Variants in H2AZ2 observed in about 807,000 individuals in gnomAD.
The protein encoded by H2AZ2 is H2A.Z variant histone 2.
Under a neutral mutation model 15.5 loss-of-function variants are expected in H2AZ2, and 5 were observed. The ratio of observed to expected loss-of-function variants is 0.32; its 90% CI spans 0.17 to 0.68. The LOEUF is 0.68. Among genes scored for constraint, H2AZ2 ranks in the 30% least tolerant of loss-of-function variants. The probability of loss-of-function intolerance (pLI) is 0.72; values close to 1 mark genes in which losing one functional copy is unlikely to be tolerated. For missense variants in H2AZ2, 42 were observed against 162.5 expected (o/e 0.26, Z 4.03); for synonymous variants, 44 against 57.4 (o/e 0.77, Z 1.05).
chr7:44,831,311 G>C (rs937669228), downstream of H2AZ2, among the ~76,000 whole-genome samples: 2 of 152,198 alleles, frequency 1.3e-5, no homozygotes, highest in Non-Finnish European at 2.9e-5. Flanking sequence ...GATCATAACT[G>C]TGAGAGCTAA....
At chr7:44,847,688 CCTT>C (rs1425553675) in intron 1 of H2AZ2, among the ~76,000 whole-genome samples, 1 of 152,222 alleles carries the variant, frequency 6.6e-6, no homozygotes, top group African/African-American at 2.4e-5. Context: ...CCGTCCTCCT[CCTT>C]CTAAGACGGG....
At chr7:44,847,821 G>A (rs1431021232) in intron 1 of H2AZ2, 148 bp downstream of exon 1, 9 of 1,096,406 alleles carry the variant, frequency 8.2e-6, no homozygotes, top group Admixed American at 2.8e-5. Flanking sequence ...CTGGGACATG[G>A]CGCCCCCCGG....
Position 44,840,338 on chromosome 7 carries a change from C to T in H2AZ2, c.195+561G>A, listed in dbSNP as rs540201352. The stretch of plus-strand genomic sequence containing the variant: ...ACTCAAGTGTACAATCTACCCACCT[C>T]AGCCGCCCAAAGTGTTGGCATTACA... On this transcript the variant is annotated intron_variant, in intron 3 of 4. Transcript: ENST00000308153. Among the ~76,000 whole-genome samples the T allele has an allele frequency of 7.0e-4, 106 of 152,344 alleles. 1 individual carries two copies. In the South Asian group the frequency reaches 0.021, roughly 30 times the overall value.
Position 44,832,933 on chromosome 7 carries a change from G to C in H2AZ2, c.*1568C>G, listed in dbSNP as rs1020210753. On this transcript the variant is annotated 3_prime_UTR_variant, in exon 5 of 5. Transcript: ENST00000308153. ...CCACTGCACTTCAACCTGGGCAAAA[G>C]AGCAAGAGCCTGTCTCAAAACAAAC... 2.0e-5 allele frequency among the ~76,000 whole-genome samples: 3 copies of C among 152,108 alleles called. No homozygotes were observed. Among genetic ancestry groups the C allele is most frequent in the Non-Finnish European group, 2.9e-5 (2 of 68,000 alleles).
chr7:44,847,341 T>C (rs1793435327), intron 1 of H2AZ2, among the ~76,000 whole-genome samples: 1 of 152,092 alleles, frequency 6.6e-6, no homozygotes, highest in Non-Finnish European at 1.5e-5. Context: ...AGACTGAAAA[T>C]CCATAGCAAG....
chr7:44,843,321 C>T lies in H2AZ2; in HGVS notation c.37G>A (p.Ala13Thr), dbSNP rs913766975. 18 of 1,613,056 alleles carry T rather than the reference C, an allele frequency of 1.1e-5. No individual in the cohort carries two copies. Among genetic ancestry groups the T allele is most frequent in the Middle Eastern group, 1.7e-4 (1 of 6,028 alleles). The change falls in exon 2 of 5, where the codon GCC becomes ACC. Residue 13 changes from alanine (A) to threonine (T), a missense_variant. By Grantham distance (58) the Ala-to-Thr change is moderately conservative. Coordinates refer to ENST00000308153, the MANE Select transcript of H2AZ2 (RefSeq NM_012412.5). ...GAGCGAGATACTGCCTTAGCCTTGG[C>T]CTTCCCACTGTCCTTTCCAGCTTTG... ...GGKAGKDSGK[A>T]KAKAVSRSQR...
At chr7:44,835,347 T>C (rs1583712011) in intron 4 of H2AZ2, 182 bp downstream of exon 4, 13 of 472,998 alleles carry the variant, frequency 2.7e-5, no homozygotes, top group South Asian at 5.9e-5. Context: ...TACATATGGC[T>C]AGAAGGTGAA....
intron 3 of H2AZ2, among the ~76,000 whole-genome samples, chr7:44,837,426 AAAAAAAG>A (rs1396633397): frequency 8.5e-6 from 1 of 118,008 alleles, no homozygotes; most frequent in Non-Finnish European, 1.8e-5. Context: ...CTCAAAAAAA[AAAAAAAG>A]AAAAAAAAAA....
At chr7:44,837,856 G>A (rs1306563543) in intron 3 of H2AZ2, among the ~76,000 whole-genome samples, 1 of 150,704 alleles carries the variant, frequency 6.6e-6, no homozygotes, top group Non-Finnish European at 1.5e-5. Flanking sequence ...AGATAGATGG[G>A]GCTTGAACCT....
intron 3 of H2AZ2, 64 bp from the exon 4 acceptor site, chr7:44,835,722 T>C (rs2117026679): frequency 6.9e-7 from 1 of 1,444,266 alleles, no homozygotes; most frequent in East Asian, 2.3e-5. Context: ...AAGGATCACT[T>C]AGCATTTGTA....
intron 3 of H2AZ2, among the ~76,000 whole-genome samples, chr7:44,839,216 A>G (rs1013401361): frequency 1.3e-5 from 2 of 152,176 alleles, no homozygotes; most frequent in Admixed American, 6.6e-5. Context: ...ATAAACTACA[A>G]CATTATGCTC....
downstream of H2AZ2, among the ~76,000 whole-genome samples, chr7:44,831,396 A>G (rs2117018879): frequency 6.6e-6 from 1 of 152,262 alleles, no homozygotes; most frequent in East Asian, 1.9e-4. Context: ...CAACCCTGGG[A>G]AGAAATTATG....
At chr7:44,847,575 C>G (rs1332961977) in intron 1 of H2AZ2, among the ~76,000 whole-genome samples, 1 of 152,186 alleles carries the variant, frequency 6.6e-6, no homozygotes, top group Non-Finnish European at 1.5e-5. Context: ...TCGCCAAAGA[C>G]TTATCTAACT....
In H2AZ2 at chr7:44,833,683, C is replaced by T. The variant is rs1337368527; in HGVS notation, c.*818G>A. 3.0e-6 allele frequency: 3 copies of T among 985,270 alleles called. No individual in the cohort carries two copies. Among genetic ancestry groups the T allele is most frequent in the Non-Finnish European group, 1.2e-6 (1 of 829,890 alleles). The allele number at this position is 985,270 out of a possible 1,614,324, so 61.0% of individuals were successfully genotyped here. A position where few individuals can be genotyped will look rare whatever the true frequency, so the allele number is the denominator to read the frequency against. On this transcript the variant is annotated 3_prime_UTR_variant, in exon 5 of 5. Coordinates refer to ENST00000308153, the MANE Select transcript of H2AZ2 (RefSeq NM_012412.5). ...GGGATTTTAAACCAAAAGGAGAAAC[C>T]TTTGATAAACTGAACATCAATTCCA...
At chr7:44,839,668 C>T (rs538692535) in intron 3 of H2AZ2, among the ~76,000 whole-genome samples, 2 of 148,488 alleles carry the variant, frequency 1.3e-5, no homozygotes, top group African/African-American at 2.5e-5. Flanking sequence ...GGTGACAGAG[C>T]GAGCCTCTGT....
chr7:44,847,752 T>C (rs539620741), intron 1 of H2AZ2, among the ~76,000 whole-genome samples: 5 of 152,140 alleles, frequency 3.3e-5, no homozygotes, highest in African/African-American at 4.8e-5. Flanking sequence ...CGGAACAGAC[T>C]TCGCGCTCTA....
chr7:44,842,000 A>C (rs1793285971), intron 2 of H2AZ2, among the ~76,000 whole-genome samples: 1 of 152,110 alleles, frequency 6.6e-6, no homozygotes, highest in Admixed American at 6.5e-5. Flanking sequence ...CCTAACCCTA[A>C]CTTGACCTTT....
intron 1 of H2AZ2, among the ~76,000 whole-genome samples, chr7:44,847,699 G>T (rs187811996): frequency 1.3e-5 from 2 of 152,298 alleles, no homozygotes; most frequent in Non-Finnish European, 1.5e-5. Flanking sequence ...CTTCTAAGAC[G>T]GGCGGTGCAG....
At chr7:44,844,733 C>T (rs1469085965) in intron 1 of H2AZ2, among the ~76,000 whole-genome samples, 4 of 152,080 alleles carry the variant, frequency 2.6e-5, no homozygotes, top group Non-Finnish European at 4.4e-5. Flanking sequence ...TGGTTGCACA[C>T]TATAAATGTA....
Sources: allele counts gnomAD v4.1 joint callset (sites outside exome capture counted in the v4.1 genomes callset), GRCh38; gene constraint gnomAD v4.1.1; transcripts MANE v1.5; gene names NCBI Gene and HGNC (gene_info 2026-07-23, HGNC 2026-07-21).